The following PPARGC1B variants were observed in gnomAD, a reference collection of about 807,000 sequenced individuals.
PPARGC1B encodes PPARG coactivator 1 beta.
Under a neutral mutation model 101.6 loss-of-function variants are expected in PPARGC1B, and 34 were observed. The observed-to-expected ratio is 0.33, with a 90% CI of 0.25 to 0.45. The LOEUF is 0.45. Ranked by LOEUF, PPARGC1B falls within the 20% of genes least tolerant of loss-of-function variation. PPARGC1B has a pLI of 1.00. For missense variants in PPARGC1B, 1,234 were observed against 1,317.6 expected, an observed-to-expected ratio of 0.94 and a Z score of 0.98; for synonymous variants, 548 against 539.3, an observed-to-expected ratio of 1.02 and a Z score of -0.22.
At chr5:149,770,020 G>A (rs967358476) in intron 1 of PPARGC1B, among the ~76,000 whole-genome samples, 1 of 152,104 alleles carries the variant, frequency 6.6e-6, no homozygotes, top group African/African-American at 2.4e-5. Context: ...ACATCTGTGG[G>A]GGACCTTATG....
rs757896807 is a variant in PPARGC1B, at chr5:149,820,414, T to C, written c.79-19T>C. On this transcript the variant is annotated intron_variant, in intron 1 of 11. Transcript: ENST00000309241. ...CCAGCCTCAGCTCTGATCCACCTCT[T>C]TCCTTCCTGTCTCCTCAGGGTGGAG... 1 of 1,611,058 alleles carries C rather than the reference T, an allele frequency of 6.2e-7. No homozygotes were observed. The highest frequency in any genetic ancestry group is 8.5e-7 in the Non-Finnish European group (1 of 1,178,170).
At chr5:149,769,475 C>T (rs1323311944) in intron 1 of PPARGC1B, among the ~76,000 whole-genome samples, 1 of 152,306 alleles carries the variant, frequency 6.6e-6, no homozygotes, top group East Asian at 1.9e-4. Context: ...GGGAGCTCAT[C>T]CAGGAGGGGA....
intron 2 of PPARGC1B, among the ~76,000 whole-genome samples, chr5:149,823,222 G>A (rs741581): frequency 0.063 from 9,594 of 152,218 alleles, 366 homozygotes; most frequent in Non-Finnish European, 0.093. Flanking sequence ...TTGGGCCTCA[G>A]TTTTCCCATG....
chr5:149,751,711 A>G (rs1041222330), intron 1 of PPARGC1B, among the ~76,000 whole-genome samples: 4 of 141,790 alleles, frequency 2.8e-5, no homozygotes, highest in Admixed American at 2.7e-4. Context: ...GTCCAAAAGA[A>G]AAAAAAAAAA....
At position 149,835,385 on chromosome 5, in the gene PPARGC1B, C is replaced by T; in HGVS notation, c.1807+20C>T. The T allele has an allele frequency of 1.9e-6, 3 of 1,610,020 alleles. No individual in the cohort carries two copies. The highest frequency in any genetic ancestry group is 1.7e-6 in the Non-Finnish European group (2 of 1,176,518). On this transcript the variant is annotated intron_variant, in intron 7 of 11. Coordinates refer to ENST00000309241, the MANE Select transcript of PPARGC1B (RefSeq NM_133263.4). ...CAGCAGGTGAGCCAGGGGGCTTCCA[C>T]TGGCAGGTGCCTTCAGGAAAACACC...
chr5:149,835,057 A>T (rs1335200379), intron 6 of PPARGC1B, among the ~76,000 whole-genome samples: 2 of 152,178 alleles, frequency 1.3e-5, no homozygotes, highest in Non-Finnish European at 2.9e-5. Flanking sequence ...GAGGCTGACA[A>T]CACTTGTCCT....
downstream of PPARGC1B, among the ~76,000 whole-genome samples, chr5:149,857,096 G>C (rs755805592): frequency 3.9e-5 from 6 of 152,004 alleles, no homozygotes; most frequent in Non-Finnish European, 7.4e-5. Context: ...TTTGAAACTT[G>C]GCTCTACCGC....
intron 1 of PPARGC1B, among the ~76,000 whole-genome samples, chr5:149,809,175 CATAGATAG>C (rs1170949360): frequency 1.1e-3 from 48 of 42,932 alleles, no homozygotes; most frequent in African/African-American, 1.7e-3. Context: ...CCATCTCTAC[CATAGATAG>C]ATAGATAGAT....
chr5:149,838,078 G>A (rs1185076234), intron 8 of PPARGC1B, among the ~76,000 whole-genome samples: 1 of 152,132 alleles, frequency 6.6e-6, no homozygotes, highest in African/African-American at 2.4e-5. Context: ...TAGGTCTTGC[G>A]AAGATACCTC....
chr5:149,819,998 C>T (rs1184961614), intron 1 of PPARGC1B, among the ~76,000 whole-genome samples: 1 of 140,200 alleles, frequency 7.1e-6, no homozygotes, highest in East Asian at 2.1e-4. Context: ...ACCTAGCAGT[C>T]ACACAATACT....
At chr5:149,786,630 G>A (rs1226278115) in intron 1 of PPARGC1B, among the ~76,000 whole-genome samples, 2 of 152,200 alleles carry the variant, frequency 1.3e-5, no homozygotes, top group Non-Finnish European at 2.9e-5. Flanking sequence ...AGAAACTCTT[G>A]TCACAGGGTG....
intron 1 of PPARGC1B, among the ~76,000 whole-genome samples, chr5:149,750,453 A>ATATATATATATATATATATATATATAC (rs1755246049): frequency 4.1e-5 from 5 of 123,238 alleles, no homozygotes; most frequent in Admixed American, 1.7e-4. Context: ...TTTTAGTTAA[A>ATATATATATATATATATATATATATAC]ATATATATAT....
In PPARGC1B at chr5:149,825,380, C is replaced by T. The variant is rs144857436; in HGVS notation, c.253-1293C>T. ...CCTGGGCGAGGTTGCTGTGAGGCCT[C>T]CCTGAGCCTGACAGAGCCTTTCTAC... On this transcript the variant is annotated intron_variant, in intron 2 of 11. Coordinates refer to ENST00000309241, the MANE Select transcript of PPARGC1B (RefSeq NM_133263.4). Among the ~76,000 whole-genome samples the T allele has an allele frequency of 7.4e-3, 1,123 of 152,364 alleles. 4 individuals carry two copies. Among genetic ancestry groups the T allele is most frequent in the Middle Eastern group, 0.014 (4 of 294 alleles).
intron 1 of PPARGC1B, among the ~76,000 whole-genome samples, chr5:149,755,476 C>G (rs1396826767): frequency 6.6e-6 from 1 of 152,052 alleles, no homozygotes; most frequent in Non-Finnish European, 1.5e-5. Context: ...GTTGGAATCT[C>G]AGTTCTGCTA....
chr5:149,814,261 T>G (rs529257171), intron 1 of PPARGC1B, among the ~76,000 whole-genome samples: 1 of 152,354 alleles, frequency 6.6e-6, no homozygotes, highest in Admixed American at 6.5e-5. Context: ...CTAGGCTTCC[T>G]TCCATCTCAA....
At chr5:149,845,576 A>G (rs1759516731) in intron 10 of PPARGC1B, 184 bp from the exon 11 acceptor site, 2 of 603,090 alleles carry the variant, frequency 3.3e-6, no homozygotes, top group South Asian at 2.4e-5. Context: ...TCAACATATT[A>G]GCTGCTTTCA....
chr5:149,840,286 T>C (rs965992274), intron 9 of PPARGC1B, among the ~76,000 whole-genome samples, 170 bp downstream of exon 9: 1 of 152,132 alleles, frequency 6.6e-6, no homozygotes, highest in East Asian at 1.9e-4. Context: ...TTTCTCTCAT[T>C]TGAAGAGCAC....
intron 1 of PPARGC1B, among the ~76,000 whole-genome samples, chr5:149,794,036 T>C (rs1281542086): frequency 6.6e-6 from 1 of 152,252 alleles, no homozygotes; most frequent in African/African-American, 2.4e-5. Context: ...TGGCTGCTTT[T>C]GCACCACAGA....
intron 1 of PPARGC1B, among the ~76,000 whole-genome samples, chr5:149,755,627 A>G (rs1377548126): frequency 3.5e-5 from 5 of 141,860 alleles, no homozygotes; most frequent in Non-Finnish European, 6.0e-5. Context: ...TATTATTATT[A>G]TTATTATTAT....
Sources: gnomAD v4.1 joint callset for allele counts (sites outside exome capture counted in the v4.1 genomes callset) on GRCh38, gnomAD v4.1.1 for gene constraint, MANE v1.5 for transcripts, NCBI Gene and HGNC (gene_info 2026-07-23, HGNC 2026-07-21) for gene names.